Variants in ARHGAP4 observed in about 807,000 individuals in gnomAD.
ARHGAP4 encodes rho GTPase-activating protein 4.
Under a neutral mutation model 67.6 loss-of-function variants are expected in ARHGAP4, and 25 were observed. That is an observed-to-expected ratio of 0.37 (90% CI 0.27 to 0.52). The LOEUF is 0.52. Ranked by LOEUF, ARHGAP4 falls within the 20% of genes least tolerant of loss-of-function variation. The probability of loss-of-function intolerance (pLI) is 0.92; values close to 1 mark genes in which losing one functional copy is unlikely to be tolerated. For synonymous variants in ARHGAP4, 448 were observed against 373.7 expected, an observed-to-expected ratio of 1.20 and a Z score of -2.29; for missense variants, 804 against 854.6, an observed-to-expected ratio of 0.94 and a Z score of 0.74.
At chrX:153,908,513 G>A (rs1034409966) in intron 21 of ARHGAP4, among the ~76,000 whole-genome samples, 5 of 111,946 alleles carry the variant, frequency 4.5e-5, no homozygotes, top group Non-Finnish European at 9.4e-5. Context: ...ACAGAGCACG[G>A]AGCAGGGTCC....
chrX:153,908,501 G>A (rs2064989398), intron 21 of ARHGAP4, among the ~76,000 whole-genome samples: 1 of 112,092 alleles, frequency 8.9e-6, no homozygotes, highest in Non-Finnish European at 1.9e-5. Flanking sequence ...AGGGCCCATG[G>A]TACAGAGCAC....
In ARHGAP4 at chrX:153,910,748, G is replaced by T. The variant is rs782476973; in HGVS notation, c.1768C>A (p.Pro590Thr). Reference sequence around the variant, plus strand: ...AACAGGTCTGGGGGGAAGAGTGGGGGCTCCAGGCTCCGGAAGTAGAGCTTC... The same window carrying T: ...AACAGGTCTGGGGGGAAGAGTGGGGTCTCCAGGCTCCGGAAGTAGAGCTTC... Reference protein sequence around the residue: ...VLKLYFRSLEPPLFPPDLFGE... With the variant: ...VLKLYFRSLETPLFPPDLFGE... Residue 590 changes from proline (P) to threonine (T), a missense_variant, in exon 15 of 22, where the codon CCC becomes ACC. This residue lies in a region of ARHGAP4 where 400 missense variants were observed against 348.7 expected (regional missense o/e 1.15). Transcript: ENST00000350060. The T allele has an allele frequency of 2.5e-6, 3 of 1,191,726 alleles. No homozygotes were observed. The highest frequency in any genetic ancestry group is 4.5e-5 in the Admixed American group (2 of 44,384).
rs1840697022 is a variant in ARHGAP4 at position 153,919,267 on chromosome X, A to G, written c.698T>C (p.Met233Thr). 2 of 1,210,845 alleles carry G rather than the reference A, an allele frequency of 1.7e-6. No homozygotes were observed. Among genetic ancestry groups the G allele is most frequent in the Non-Finnish European group, 2.2e-6 (2 of 895,379 alleles). ...RLVEKRQAKF[M>T]EHKLKCTKAR... ...CTTTGTGCACTTGAGTTTGTGCTCC[A>G]TGAACTTGGCCTGCCGCTACTCAAG... Residue 233 changes from methionine to threonine, a missense_variant, in exon 6 of 22, where the codon ATG (methionine) becomes ACG (threonine). Met to Thr is a moderately conservative substitution (Grantham distance 81). Coordinates refer to ENST00000350060, the MANE Select transcript of ARHGAP4 (RefSeq NM_001666.5).
chrX:153,911,482 C>T (rs1296597802), intron 12 of ARHGAP4, among the ~76,000 whole-genome samples: 2 of 111,373 alleles, frequency 1.8e-5, no homozygotes, highest in African/African-American at 6.5e-5. Context: ...CTTAGCACAC[C>T]GTTTGTTAGA....
rs1359886251 is a variant in ARHGAP4 at position 153,920,569 on chromosome X, G to T, written c.681+57C>A. 17 of 1,118,129 alleles carry T rather than the reference G, an allele frequency of 1.5e-5. No homozygotes were observed. The African/African-American group carries it at 2.4e-4, about 15-fold the overall frequency. The allele number at this position is 1,118,129 out of a possible 1,213,427, so 92.1% of individuals were successfully genotyped here. The stretch of plus-strand genomic sequence containing the variant: ...CCTGACTTCCCCCTCAGCACAGCAG[G>T]TCCTAGTTAGGGCCCATGGCCCATA... On this transcript the variant is annotated intron_variant, in intron 5 of 21. Coordinates refer to ENST00000350060, the MANE Select transcript of ARHGAP4 (RefSeq NM_001666.5).
At position 153,907,722 on chromosome X, in the gene ARHGAP4, C is replaced by T. The variant is rs782146500; in HGVS notation, c.*7G>A. 2.7e-5 allele frequency: 26 copies of T among 949,953 alleles called. No homozygotes were observed. The highest frequency in any genetic ancestry group is 4.2e-5 in the South Asian group (1 of 23,864). The allele number at this position is 949,953 out of a possible 1,213,427, so 78.3% of individuals were successfully genotyped here. A position where few individuals can be genotyped will look rare whatever the true frequency, so the allele number is the denominator to read the frequency against. On this transcript the variant is annotated 3_prime_UTR_variant, in exon 22 of 22. Coordinates refer to ENST00000350060, the MANE Select transcript of ARHGAP4 (RefSeq NM_001666.5). Reference sequence around the variant, plus strand: ...CGCCGGGGGCACGCATCTCCAGCAGCGGCACCTCAGTGTGGCTTGGGGGTC... The same window carrying T: ...CGCCGGGGGCACGCATCTCCAGCAGTGGCACCTCAGTGTGGCTTGGGGGTC...
At chrX:153,918,494 C>T (rs2065070236) in intron 7 of ARHGAP4, among the ~76,000 whole-genome samples, 3 of 112,641 alleles carry the variant, frequency 2.7e-5, no homozygotes, top group South Asian at 3.6e-4. Context: ...AAAACTAGCT[C>T]GACGGAGAAG....
At position 153,907,500 on chromosome X, in the gene ARHGAP4, C is replaced by G; in HGVS notation, c.*229G>C. On this transcript the variant is annotated 3_prime_UTR_variant, in exon 22 of 22. Coordinates refer to ENST00000350060, the MANE Select transcript of ARHGAP4 (RefSeq NM_001666.5). Reference sequence around the variant, plus strand: ...CAAAGCTGCAGAAGAGGGCTTTCCCCAGCATCCTTCCTCAGCTGCCTCCAA... The same window carrying G: ...CAAAGCTGCAGAAGAGGGCTTTCCCGAGCATCCTTCCTCAGCTGCCTCCAA... 2.7e-6 allele frequency: 1 copy of G among 375,200 alleles called. No homozygotes were observed. Among genetic ancestry groups the G allele is most frequent in the Non-Finnish European group, 4.6e-6 (1 of 217,716 alleles). The allele number at this position is 375,200 out of a possible 1,213,427, so 30.9% of individuals were successfully genotyped here. A position where few individuals can be genotyped will look rare whatever the true frequency, so the allele number is the denominator to read the frequency against.
intron 7 of ARHGAP4, among the ~76,000 whole-genome samples, chrX:153,918,475 G>A (rs2065070111): frequency 8.9e-6 from 1 of 112,716 alleles, no homozygotes; most frequent in Non-Finnish European, 1.9e-5. Context: ...AGGATAAACT[G>A]CTGCAGGAAA....
chrX:153,913,888 G>A lies in ARHGAP4; in HGVS notation c.1033-9C>T, dbSNP rs782662437. On this transcript the variant is annotated splice_polypyrimidine_tract_variant and intron_variant, in intron 7 of 21. Coordinates refer to ENST00000350060, the MANE Select transcript of ARHGAP4 (RefSeq NM_001666.5). ...ACGCAGATCTCAGCCACCTGCAGAG[G>A]GCGGCGGCCAGGGGGCTAAGGGCTG... The A allele has an allele frequency of 2.1e-5, 25 of 1,205,854 alleles. No individual in the cohort carries two copies. In the East Asian group the frequency reaches 6.8e-4, roughly 33 times the overall value.
rs782255305 is a variant in ARHGAP4 at position 153,907,767 on chromosome X, G to A, written c.2803C>T (p.His935Tyr). The A allele has an allele frequency of 6.9e-6, 7 of 1,009,116 alleles. No individual in the cohort carries two copies. In the East Asian group the frequency reaches 2.6e-4, roughly 37 times the overall value. 83.2% of individuals were successfully genotyped at this position (1,009,116 alleles called of 1,213,427 possible). A position where few individuals can be genotyped will look rare whatever the true frequency, so the allele number is the denominator to read the frequency against. ...PGAPASPSAS[H>Y]PQGLDTTPKP... The stretch of plus-strand genomic sequence containing the variant: ...GGGGTCGTGTCTAGGCCCTGGGGGT[G>A]GGAAGCTGAGGGTGAGGCTGGGGCC... Residue 935 changes from histidine to tyrosine, a missense_variant, in exon 22 of 22, where the codon CAC (histidine) becomes TAC (tyrosine). This residue lies in a region of ARHGAP4 where 400 missense variants were observed against 348.7 expected (regional missense o/e 1.15). Transcript: ENST00000350060.
rs1557103356 is a variant in ARHGAP4 at position 153,911,930 on chromosome X, A to AAG, written c.1543-742_1543-741insCT. ...GTCTCAACAAATAAAAAAAAAAAAA[A>AAG]AAAGAAAGAAACTCAAAGTGCTCGT... On this transcript the variant is annotated intron_variant, in intron 12 of 21. Transcript: ENST00000350060. Among the ~76,000 whole-genome samples the AAG allele has an allele frequency of 2.3e-3, 242 of 107,115 alleles. 5 individuals carry two copies. The South Asian group carries it at 0.054, about 24-fold the overall frequency. 93.0% of individuals were successfully genotyped at this position (107,115 alleles called of 115,157 possible).
intron 12 of ARHGAP4, among the ~76,000 whole-genome samples, chrX:153,911,730 G>A (rs781888346): frequency 3.6e-5 from 4 of 110,794 alleles, no homozygotes; most frequent in African/African-American, 1.3e-4. Context: ...TGACCAACAC[G>A]GTGAAACCTC....
chrX:153,912,726 C>T lies in ARHGAP4; in HGVS notation c.1516G>A (p.Gly506Arg), dbSNP rs782682382. 1.2e-5 allele frequency: 15 copies of T among 1,209,610 alleles called. No individual in the cohort carries two copies. The South Asian group carries it at 2.5e-4, about 20-fold the overall frequency. The change falls in exon 12 of 22, where the codon GGG becomes AGG. Residue 506 changes from glycine to arginine, a missense_variant. Transcript: ENST00000350060. ...TGGATAAACTTCTCCATGTCTCCCC[C>T]AAAGAGTCTCTGGTTATACTGGGAG... ...PSSQYNQRLF[G>R]GDMEKFIQSS...
chrX:153,914,114 C>T (rs931351671), intron 7 of ARHGAP4: 22 of 409,188 alleles, frequency 5.4e-5, no homozygotes, highest in Admixed American at 8.5e-5. Context: ...CTAAACTCAG[C>T]GCGGTCTACC....
At position 153,909,099 on chromosome X, in the gene ARHGAP4, A is replaced by T; in HGVS notation, c.2578T>A (p.Ser860Thr). 8.3e-7 allele frequency: 1 copy of T among 1,211,403 alleles called. No homozygotes were observed. Among genetic ancestry groups the T allele is most frequent in the Non-Finnish European group, 1.1e-6 (1 of 895,366 alleles). ...GHRRRCLVPA[S>T]PEQHVEVDKA... ...TCCACCTCCACGTGTTGCTCTGGGG[A>T]GGCTGGGACCAAGCAGCGTCGTCTG... Residue 860 changes from serine to threonine, a missense_variant, in exon 21 of 22, where the codon TCC becomes ACC. Physicochemically the swap from Ser to Thr is moderately conservative, Grantham distance 58. Transcript: ENST00000350060.
rs1422469699 is a variant in ARHGAP4, at chrX:153,913,167, A to C, written c.1411+51T>G. On this transcript the variant is annotated intron_variant, in intron 10 of 21. Coordinates refer to ENST00000350060, the MANE Select transcript of ARHGAP4 (RefSeq NM_001666.5). ...GCGGGAGGGGAGGACCGTGGGCTAG[A>C]CAGGGTCCTGGGCAGGGGAGAGGCG... is the stretch of plus-strand genomic sequence containing the variant. 7 of 1,158,210 alleles carry C rather than the reference A, an allele frequency of 6.0e-6. No individual in the cohort carries two copies. The African/African-American group carries it at 1.3e-4, about 21-fold the overall frequency.
chrX:153,909,790 T>C lies in ARHGAP4; in HGVS notation c.2365A>G (p.Asn789Asp), dbSNP rs782554635. The C allele has an allele frequency of 1.9e-5, 23 of 1,200,842 alleles. No individual in the cohort carries two copies. Among genetic ancestry groups the C allele is most frequent in the South Asian group, 1.3e-4 (7 of 55,448 alleles). Residue 789 changes from asparagine (N) to aspartate (D), a missense_variant, in exon 19 of 22, where the codon AAC becomes GAC. Physicochemically the swap from Asn to Asp is conservative, Grantham distance 23. Around this residue, in one of 2 missense-constraint regions of ARHGAP4, gnomAD observed 400 missense variants for 348.7 expected, o/e 1.15. Transcript: ENST00000350060. Reference protein sequence around the residue: ...ASSDWWRGEHNGMRGLIPHKY... With the variant: ...ASSDWWRGEHDGMRGLIPHKY... ...TGGGGGATGAGGCCCCGCATGCCGT[T>C]GTGCTCCCCCCGCCACCAGTCGCTC...
intron 5 of ARHGAP4, 84 bp from the exon 6 acceptor site, chrX:153,919,367 C>G: frequency 1.7e-6 from 2 of 1,197,965 alleles, no homozygotes; most frequent in Non-Finnish European, 2.3e-6. Context: ...CCATCGCCTC[C>G]CCTCCCACTG....
Sources: gnomAD v4.1 joint callset for allele counts (sites outside exome capture counted in the v4.1 genomes callset) on GRCh38, gnomAD v4.1.1 for gene constraint, gnomAD v4.1.1 regional missense constraint, MANE v1.5 for transcripts, NCBI Gene and HGNC (gene_info 2026-07-23, HGNC 2026-07-21) for gene names.